ZNF684: variants seen among roughly 807,000 people sequenced by gnomAD.
ZNF684 encodes zinc finger protein 684.
A neutral mutation model predicts 12.8 loss-of-function variants in ZNF684; 13 were observed. That is an observed-to-expected ratio of 1.02 (90% confidence interval 0.66 to 1.62). The LOEUF (loss-of-function observed/expected upper bound fraction) is 1.62, where lower values mean the gene tolerates loss of function less well. ZNF684 is among the 40% of genes most tolerant of loss of function. The pLI is 0.00. For missense variants in ZNF684, 384 were observed against 446.9 expected, an observed-to-expected ratio of 0.86 and a Z score of 1.27; for synonymous variants, 118 against 151.8, an observed-to-expected ratio of 0.78 and a Z score of 1.64.
intron 2 of ZNF684, among the ~76,000 whole-genome samples, chr1:40,536,652 A>T: frequency 7.9e-6 from 1 of 126,642 alleles, no homozygotes; most frequent in Admixed American, 7.9e-5. Context: ...TCCCAATGCT[A>T]TCCCTCCCCC....
chr1:40,532,942 TC>T (rs2124505464), intron 1 of ZNF684, among the ~76,000 whole-genome samples, 200 bp from the exon 2 acceptor site: 1 of 152,290 alleles, frequency 6.6e-6, no homozygotes, highest in East Asian at 1.9e-4. Flanking sequence ...CTCCATATAT[TC>T]CTAACAATCA....
At chr1:40,534,043 C>G (rs1020970570) in intron 2 of ZNF684, among the ~76,000 whole-genome samples, 1 of 151,388 alleles carries the variant, frequency 6.6e-6, no homozygotes, top group African/African-American at 2.4e-5. Context: ...AGGCTGGTCT[C>G]GAATTCCTGA....
intron 2 of ZNF684, 82 bp from the exon 3 acceptor site, chr1:40,540,504 T>G: frequency 4.4e-6 from 6 of 1,364,290 alleles, no homozygotes; most frequent in South Asian, 1.7e-5. Flanking sequence ...GAACATGATA[T>G]GATATTAAGG....
rs930671513 is a variant in ZNF684 at position 40,547,543 on chromosome 1, T to C, written c.*83T>C. 18 of 1,271,088 alleles carry C rather than the reference T, an allele frequency of 1.4e-5. No homozygotes were observed. The highest frequency in any genetic ancestry group is 5.6e-4 in the Middle Eastern group (2 of 3,590). The allele number at this position is 1,271,088 out of a possible 1,614,324, so 78.7% of individuals were successfully genotyped here. On this transcript the variant is annotated 3_prime_UTR_variant, in exon 5 of 5. Coordinates refer to ENST00000372699, the MANE Select transcript of ZNF684 (RefSeq NM_152373.4). Reference sequence around the variant, plus strand: ...ACTAAAGAATTCATGGTGAGAAGTCTACAATTTAAATGAATTTGGAAGAGT... The same window carrying C: ...ACTAAAGAATTCATGGTGAGAAGTCCACAATTTAAATGAATTTGGAAGAGT...
intron 2 of ZNF684, among the ~76,000 whole-genome samples, chr1:40,537,102 A>G (rs1227256669): frequency 6.6e-6 from 1 of 152,182 alleles, no homozygotes; most frequent in Non-Finnish European, 1.5e-5. Flanking sequence ...GACTTCCACA[A>G]TGTTTGAACT....
Position 40,547,339 on chromosome 1 carries a change from A to G in ZNF684, c.1016A>G (p.Lys339Arg). The G allele has an allele frequency of 6.2e-7, 1 of 1,614,062 alleles. No individual in the cohort carries two copies. Among genetic ancestry groups the G allele is most frequent in the Non-Finnish European group, 8.5e-7 (1 of 1,179,946 alleles). Reference protein sequence around the residue: ...CIECGKAFIKKSHLLRHQITH... With the variant: ...CIECGKAFIKRSHLLRHQITH... ...GAATGTGGCAAAGCCTTCATCAAGA[A>G]GTCCCATCTCCTCAGACATCAGATA... The change falls in exon 5 of 5, where the codon AAG becomes AGG. Residue 339 changes from lysine (K) to arginine (R), a missense_variant. Physicochemically the swap from Lys to Arg is conservative, Grantham distance 26. Transcript: ENST00000372699.
intron 4 of ZNF684, among the ~76,000 whole-genome samples, chr1:40,543,404 C>CT (rs949056816): frequency 6.5e-4 from 97 of 149,448 alleles, no homozygotes; most frequent in African/African-American, 2.2e-3. Context: ...AATTATCCAT[C>CT]TTTTTTTTAT....
At chr1:40,532,677 C>G (rs1243435634) in intron 1 of ZNF684, among the ~76,000 whole-genome samples, 1 of 152,076 alleles carries the variant, frequency 6.6e-6, no homozygotes, top group Non-Finnish European at 1.5e-5. Context: ...GTTCCTGGGT[C>G]CCTGAATCCA....
Position 40,533,098 on chromosome 1 carries a change from G to C in ZNF684, c.-24-45G>C, listed in dbSNP as rs368941772. On this transcript the variant is annotated intron_variant, in intron 1 of 4. Coordinates refer to ENST00000372699, the MANE Select transcript of ZNF684 (RefSeq NM_152373.4). ...GGGTTCTACTTTGCATGCAGTCCTGGTATCTCAGGTCTTTCTATTCTCTTC... is the reference window on the plus strand; with the variant it reads ...GGGTTCTACTTTGCATGCAGTCCTGCTATCTCAGGTCTTTCTATTCTCTTC... 1.8e-3 allele frequency: 2,794 copies of C among 1,530,502 alleles called. 46 individuals are homozygous for C. The South Asian group carries it at 0.021, about 11-fold the overall frequency. 94.8% of individuals were successfully genotyped at this position (1,530,502 alleles called of 1,614,324 possible). A position where few individuals can be genotyped will look rare whatever the true frequency, so the allele number is the denominator to read the frequency against.
Position 40,533,185 on chromosome 1 carries a change from A to G in ZNF684, c.15+4A>G. 1 of 1,613,546 alleles carries G rather than the reference A, an allele frequency of 6.2e-7. No individual in the cohort carries two copies. The highest frequency in any genetic ancestry group is 8.5e-7 in the Non-Finnish European group (1 of 1,179,668). On this transcript the variant is annotated splice_donor_region_variant and intron_variant, in intron 2 of 4. Coordinates refer to ENST00000372699, the MANE Select transcript of ZNF684 (RefSeq NM_152373.4). ...GCAGAAAATGATCAGCTTCCAGGTA[A>G]GGTATCCATCTATTCATCCAGTTGT...
chr1:40,533,625 A>G (rs1645968822), intron 2 of ZNF684, among the ~76,000 whole-genome samples: 1 of 152,212 alleles, frequency 6.6e-6, no homozygotes, highest in Admixed American at 6.5e-5. Context: ...GAGTAAGAAC[A>G]TAGTGCCAAG....
chr1:40,540,322 A>T (rs991415055), intron 2 of ZNF684, among the ~76,000 whole-genome samples: 1 of 152,094 alleles, frequency 6.6e-6, no homozygotes, highest in Admixed American at 6.6e-5. Context: ...ATACTTTTGC[A>T]TGTGGATGTC....
rs1457861849 is a variant in ZNF684 at position 40,534,421 on chromosome 1, A to T, written c.15+1240A>T. ...ACGCCCGGCTAATTTTTGTATTTTT[A>T]GTAGAGACAGGGTTTCACCATGTTG... On this transcript the variant is annotated intron_variant, in intron 2 of 4. Coordinates refer to ENST00000372699, the MANE Select transcript of ZNF684 (RefSeq NM_152373.4). 3.3e-5 allele frequency among the ~76,000 whole-genome samples: 5 copies of T among 150,702 alleles called. No individual in the cohort carries two copies. The East Asian group carries it at 1.0e-3, about 30-fold the overall frequency.
chr1:40,545,398 G>A (rs909242304), intron 4 of ZNF684, among the ~76,000 whole-genome samples: 2 of 152,162 alleles, frequency 1.3e-5, no homozygotes, highest in African/African-American at 4.8e-5. Context: ...CAAGAGCAAA[G>A]CAGCTTGCTG....
intron 2 of ZNF684, among the ~76,000 whole-genome samples, chr1:40,533,926 C>T (rs1238487238): frequency 6.7e-6 from 1 of 149,110 alleles, no homozygotes; most frequent in Non-Finnish European, 1.5e-5. Flanking sequence ...CAGGTTCAAG[C>T]GATTCTCCTG....
chr1:40,544,258 T>C (rs1646031826), intron 4 of ZNF684: 1 of 214,802 alleles, frequency 4.7e-6, no homozygotes, highest in South Asian at 4.8e-5. Flanking sequence ...TTCTAACTTA[T>C]GAAAGGTAGT....
At chr1:40,536,385 C>T (rs1227234656) in intron 2 of ZNF684, among the ~76,000 whole-genome samples, 10 of 137,410 alleles carry the variant, frequency 7.3e-5, no homozygotes, top group Admixed American at 2.3e-4. Context: ...CAGAGCGAGA[C>T]TCCGTCTCAC....
intron 3 of ZNF684, chr1:40,541,408 C>T (rs1450072233): frequency 2.5e-6 from 1 of 399,880 alleles, no homozygotes; most frequent in Non-Finnish European, 4.9e-6. Flanking sequence ...TGGTCTCGAT[C>T]TCCTGACCTC....
intron 1 of ZNF684, among the ~76,000 whole-genome samples, chr1:40,532,544 A>T (rs1384331596): frequency 6.6e-6 from 1 of 152,014 alleles, no homozygotes; most frequent in Non-Finnish European, 1.5e-5. Context: ...CGGTTTGCCC[A>T]TTATACCCTT....
Sources: allele counts gnomAD v4.1 joint callset (sites outside exome capture counted in the v4.1 genomes callset), GRCh38; gene constraint gnomAD v4.1.1; transcripts MANE v1.5; gene names NCBI Gene and HGNC (gene_info 2026-07-23, HGNC 2026-07-21).